The following FOXP1 variants were observed in gnomAD, a reference collection of about 807,000 sequenced individuals.
FOXP1 encodes the protein forkhead box P1.
FOXP1 carries 15 observed loss-of-function variants against 98.2 expected under a neutral mutation model. That is an observed-to-expected ratio of 0.15 (90% CI 0.10 to 0.24). FOXP1 has a LOEUF of 0.24. FOXP1 is among the 10% of genes least tolerant of loss of function. The probability of loss-of-function intolerance (pLI) is 1.00; values close to 1 mark genes in which losing one functional copy is unlikely to be tolerated. For synonymous variants in FOXP1, 371 were observed against 314.5 expected (o/e 1.18, Z -1.90); for missense variants, 633 against 848.5 (o/e 0.75, Z 3.15).
At chr3:71,398,454 A>T (rs962761071) in intron 3 of FOXP1, among the ~76,000 whole-genome samples, 7 of 152,316 alleles carry the variant, frequency 4.6e-5, no homozygotes, top group Admixed American at 4.6e-4. Context: ...AGCTTCCTTT[A>T]AACACCTACT....
intron 2 of FOXP1, among the ~76,000 whole-genome samples, chr3:71,560,945 TC>T (rs1293239851): frequency 5.3e-5 from 8 of 152,310 alleles, no homozygotes; most frequent in Admixed American, 5.2e-4. Context: ...CTAAAGGTAA[TC>T]ATCAGCTAAA....
intron 5 of FOXP1, among the ~76,000 whole-genome samples, chr3:71,243,291 T>A (rs1015916981): frequency 1.3e-5 from 2 of 152,178 alleles, no homozygotes; most frequent in African/African-American, 4.8e-5. Context: ...TTTGGTTAAA[T>A]ACACTGAATT....
chr3:71,223,081 A>G (rs2065524881), intron 5 of FOXP1, among the ~76,000 whole-genome samples: 1 of 152,046 alleles, frequency 6.6e-6, no homozygotes, highest in Non-Finnish European at 1.5e-5. Context: ...CTGAACCACA[A>G]ACACCATTAA....
chr3:71,402,982 C>CTCAA (rs1239935996), intron 3 of FOXP1, among the ~76,000 whole-genome samples: 2 of 152,226 alleles, frequency 1.3e-5, no homozygotes, highest in Non-Finnish European at 2.9e-5. Context: ...TGAAAAATCC[C>CTCAA]TCAATCAACT....
intron 5 of FOXP1, among the ~76,000 whole-genome samples, chr3:71,279,278 T>C (rs1405397848): frequency 6.6e-6 from 1 of 152,082 alleles, no homozygotes. Context: ...AATACATGTT[T>C]ATCAAATTTA....
chr3:70,989,594 A>T (rs553301579), intron 13 of FOXP1, among the ~76,000 whole-genome samples: 23 of 152,208 alleles, frequency 1.5e-4, no homozygotes, highest in East Asian at 1.2e-3. Context: ...TATTTTTTTT[A>T]AAATGTAAGT....
chr3:71,430,255 C>T (rs968483323), intron 3 of FOXP1, among the ~76,000 whole-genome samples: 6 of 152,176 alleles, frequency 3.9e-5, no homozygotes, highest in South Asian at 2.1e-4. Flanking sequence ...CTCAATCCGA[C>T]GGTCCTTACT....
At chr3:71,418,570 T>C (rs2083393132) in intron 3 of FOXP1, among the ~76,000 whole-genome samples, 1 of 152,182 alleles carries the variant, frequency 6.6e-6, no homozygotes, top group Admixed American at 6.5e-5. Context: ...AAGCGGTGTA[T>C]TTTCCCCTTC....
chr3:70,998,149 C>T (rs2041635077), intron 13 of FOXP1, among the ~76,000 whole-genome samples: 1 of 152,206 alleles, frequency 6.6e-6, no homozygotes, highest in South Asian at 2.1e-4. Flanking sequence ...CCAGGGGTGC[C>T]TGGCAAACTT....
At chr3:71,529,753 A>C (rs1425360372) in intron 2 of FOXP1, among the ~76,000 whole-genome samples, 2 of 152,178 alleles carry the variant, frequency 1.3e-5, no homozygotes, top group African/African-American at 4.8e-5. Context: ...CCTCCAGAGA[A>C]GGCATGGCAT....
At chr3:71,540,032 A>T (rs1260405457) in intron 2 of FOXP1, among the ~76,000 whole-genome samples, 1 of 152,212 alleles carries the variant, frequency 6.6e-6, no homozygotes, top group Non-Finnish European at 1.5e-5. Flanking sequence ...TAAAATCTGT[A>T]TTTTCTAATC....
At chr3:71,044,106 A>G (rs1288036741) in intron 10 of FOXP1, among the ~76,000 whole-genome samples, 1 of 152,222 alleles carries the variant, frequency 6.6e-6, no homozygotes, top group African/African-American at 2.4e-5. Flanking sequence ...TGTTAGTTCA[A>G]TGAGCGCTAC....
intron 20 of FOXP1, among the ~76,000 whole-genome samples, chr3:70,962,680 C>CAACA (rs2033823412): frequency 6.6e-6 from 1 of 152,084 alleles, no homozygotes; most frequent in Non-Finnish European, 1.5e-5. Flanking sequence ...TTTTCCAAAT[C>CAACA]AACATTTTCC....
rs1040539504 is a variant in FOXP1 at position 71,485,579 on chromosome 3, G to A, written c.-168+7847C>T. On this transcript the variant is annotated intron_variant, in intron 3 of 20. Transcript: ENST00000649528. The stretch of plus-strand genomic sequence containing the variant: ...AGGTCAGGAGTTCAAGACCAGCCTG[G>A]CCAACATGGTGAAACCCCATCTCTA... Among the ~76,000 whole-genome samples the A allele has an allele frequency of 6.6e-5, 10 of 152,242 alleles. No individual in the cohort carries two copies. In the East Asian group the frequency reaches 1.9e-3, roughly 29 times the overall value.
At chr3:71,444,613 T>C (rs1045525063) in intron 3 of FOXP1, among the ~76,000 whole-genome samples, 1 of 152,180 alleles carries the variant, frequency 6.6e-6, no homozygotes, top group Non-Finnish European at 1.5e-5. Flanking sequence ...GCAGTTTTCA[T>C]TGGTGGGGCG....
chr3:71,059,580 T>G (rs2051185706), intron 7 of FOXP1, among the ~76,000 whole-genome samples: 1 of 152,190 alleles, frequency 6.6e-6, no homozygotes, highest in Non-Finnish European at 1.5e-5. Flanking sequence ...CACTGATTCT[T>G]TCAACCTAGC....
chr3:71,031,224 G>C (rs2046821314), intron 11 of FOXP1, among the ~76,000 whole-genome samples: 2 of 152,214 alleles, frequency 1.3e-5, no homozygotes, highest in South Asian at 4.2e-4. Context: ...ATATCTCAAA[G>C]TACTGTAAAA....
At chr3:71,313,604 C>A (rs1456085986) in intron 4 of FOXP1, among the ~76,000 whole-genome samples, 4 of 151,870 alleles carry the variant, frequency 2.6e-5, no homozygotes, top group African/African-American at 9.7e-5. Flanking sequence ...CTGCTCACTG[C>A]AAGCTCCGCC....
At chr3:71,384,657 T>C (rs1343369749) in intron 3 of FOXP1, among the ~76,000 whole-genome samples, 1 of 152,236 alleles carries the variant, frequency 6.6e-6, no homozygotes, top group Non-Finnish European at 1.5e-5. Context: ...ACCTGCAGCA[T>C]CTTATCACAT....
Sources: allele counts gnomAD v4.1 joint callset (sites outside exome capture counted in the v4.1 genomes callset), GRCh38; gene constraint gnomAD v4.1.1; transcripts MANE v1.5; gene names NCBI Gene and HGNC (gene_info 2026-07-23, HGNC 2026-07-21).